ABHD6: variants seen among roughly 807,000 people sequenced by gnomAD.
ABHD6 encodes the protein abhydrolase domain containing 6, acylglycerol lipase, also known as monoacylglycerol lipase ABHD6.
A neutral mutation model predicts 38.8 loss-of-function variants in ABHD6; 33 were observed. The ratio of observed to expected loss-of-function variants is 0.85; its 90% CI spans 0.64 to 1.14. ABHD6 has a LOEUF of 1.14. ABHD6 is among the 50% of genes most tolerant of loss of function. The pLI, the probability that ABHD6 is intolerant of heterozygous loss-of-function variation, is 0.00. For missense variants in ABHD6, 380 were observed against 422.6 expected, an observed-to-expected ratio of 0.90 and a Z score of 0.88; for synonymous variants, 147 against 161.6, an observed-to-expected ratio of 0.91 and a Z score of 0.69.
Position 58,251,356 on chromosome 3 carries a change from T to C in ABHD6, c.-26+1414T>C, listed in dbSNP as rs2097429807. 6.6e-6 allele frequency among the ~76,000 whole-genome samples: 1 copy of C among 151,774 alleles called. No individual in the cohort carries two copies. The highest frequency in any genetic ancestry group is 2.4e-5 in the African/African-American group (1 of 41,296). On this transcript the variant is annotated intron_variant, in intron 2 of 9. Coordinates refer to ENST00000478253, the MANE Select transcript of ABHD6 (RefSeq NM_001320126.2). This position sits in a 1 kb window ranked among gnomAD's most constrained non-coding sequence, Gnocchi z 5.4. ...AGAAAAAAAGACAGAAATCAGTAAG[T>C]CAGGCGAAGCGAGGAGAGATGTGTC...
rs1303360347 is a variant in ABHD6, at chr3:58,266,617, T to C, written c.120-572T>C. ...CTTTTGCAAGACTTGGCTACTTCTTTAGTGTGAAGTATCTTACAAAGTGCA... is the reference window on the plus strand; with the variant it reads ...CTTTTGCAAGACTTGGCTACTTCTTCAGTGTGAAGTATCTTACAAAGTGCA... On this transcript the variant is annotated intron_variant, in intron 3 of 9. Transcript: ENST00000478253. This position sits in a 1 kb window ranked among gnomAD's most constrained non-coding sequence, Gnocchi z 4.0. Among the ~76,000 whole-genome samples the C allele has an allele frequency of 6.6e-6, 1 of 152,242 alleles. No individual in the cohort carries two copies. The highest frequency in any genetic ancestry group is 1.5e-5 in the Non-Finnish European group (1 of 68,038).
In ABHD6 at chr3:58,267,927, G is replaced by T. The variant is rs1221045279; in HGVS notation, c.276+582G>T. ...AGACTCCGTCTCTACAAAAAAATTAGCCAGGCATGGTGGCATGCACCTGTA... is the reference window on the plus strand; with the variant it reads ...AGACTCCGTCTCTACAAAAAAATTATCCAGGCATGGTGGCATGCACCTGTA... On this transcript the variant is annotated intron_variant, in intron 4 of 9. Transcript: ENST00000478253. This position sits in a 1 kb window ranked among gnomAD's most constrained non-coding sequence, Gnocchi z 4.3. 6.6e-6 allele frequency among the ~76,000 whole-genome samples: 1 copy of T among 152,046 alleles called. No individual in the cohort carries two copies. Among genetic ancestry groups the T allele is most frequent in the East Asian group, 1.9e-4 (1 of 5,176 alleles).
rs1411379313 is a variant in ABHD6 at position 58,257,008 on chromosome 3, A to G, written c.119+303A>G. ...AACCTCCACCTCCTGGCTTCAATCAATTTTCCTGCTTCAGCCTCCAAGTAG... is the reference window on the plus strand; with the variant it reads ...AACCTCCACCTCCTGGCTTCAATCAGTTTTCCTGCTTCAGCCTCCAAGTAG... On this transcript the variant is annotated intron_variant, in intron 3 of 9. Coordinates refer to ENST00000478253, the MANE Select transcript of ABHD6 (RefSeq NM_001320126.2). This position sits in a 1 kb window ranked among gnomAD's most constrained non-coding sequence, Gnocchi z 4.8. Among the ~76,000 whole-genome samples the G allele has an allele frequency of 2.0e-5, 3 of 151,774 alleles. No homozygotes were observed. The highest frequency in any genetic ancestry group is 2.1e-4 in the South Asian group (1 of 4,806).
At chr3:58,246,848 A>G (rs962044616) in intron 1 of ABHD6, among the ~76,000 whole-genome samples, 1 of 152,202 alleles carries the variant, frequency 6.6e-6, no homozygotes, top group Non-Finnish European at 1.5e-5. Context: ...AGTTCCTGCC[A>G]TGCAGGCATA....
Position 58,256,459 on chromosome 3 carries a change from T to TA in ABHD6, c.-25-102dup. 1 of 677,312 alleles carries TA rather than the reference T, an allele frequency of 1.5e-6. No individual in the cohort carries two copies. Among genetic ancestry groups the TA allele is most frequent in the South Asian group, 2.0e-5 (1 of 49,862 alleles). The allele number at this position is 677,312 out of a possible 1,614,324, so 42.0% of individuals were successfully genotyped here. ...CCTGCTTTGGTTTCCTCCTGTTCTT[T>TA]ACCCTCACTCTGGGAACTTCACTTT... On this transcript the variant is annotated intron_variant, in intron 2 of 9. Transcript: ENST00000478253. This position sits in a 1 kb window ranked among gnomAD's most constrained non-coding sequence, Gnocchi z 4.3.
intron 1 of ABHD6, among the ~76,000 whole-genome samples, chr3:58,243,995 A>G (rs1343742708): frequency 6.6e-6 from 1 of 152,176 alleles, no homozygotes; most frequent in Non-Finnish European, 1.5e-5. Context: ...ATATTCATTA[A>G]TGGACTTGCC....
Position 58,285,067 on chromosome 3 carries a change from T to C in ABHD6, c.682-18T>C. ...TGAATCTTCTCTTGCTCTCTAACTT[T>C]GGGTTATTTATCCTTAGATCCTGCA... On this transcript the variant is annotated intron_variant, in intron 7 of 9. Coordinates refer to ENST00000478253, the MANE Select transcript of ABHD6 (RefSeq NM_001320126.2). This position sits in a 1 kb window ranked among gnomAD's most constrained non-coding sequence, Gnocchi z 4.9. The C allele has an allele frequency of 6.2e-7, 1 of 1,613,058 alleles. No individual in the cohort carries two copies. The highest frequency in any genetic ancestry group is 1.1e-5 in the South Asian group (1 of 91,052).
rs754882786 is a variant in ABHD6 at position 58,293,207 on chromosome 3, G to A, written c.838-382G>A. 5.3e-5 allele frequency among the ~76,000 whole-genome samples: 8 copies of A among 151,990 alleles called. No homozygotes were observed. The highest frequency in any genetic ancestry group is 4.1e-4 in the South Asian group (2 of 4,830). ...CCCACCCTGTGCCATTCCCACATCC[G>A]TGAATGCTCCTCCCCTGTCCCCTTT... On this transcript the variant is annotated intron_variant, in intron 9 of 9. Coordinates refer to ENST00000478253, the MANE Select transcript of ABHD6 (RefSeq NM_001320126.2). This position sits in a 1 kb window ranked among gnomAD's most constrained non-coding sequence, Gnocchi z 4.4.
intron 2 of ABHD6, among the ~76,000 whole-genome samples, chr3:58,254,429 C>T (rs2097431877): frequency 6.6e-6 from 1 of 152,246 alleles, no homozygotes; most frequent in Admixed American, 6.5e-5. Flanking sequence ...AATAGAGACT[C>T]TGTGTCCCAC....
In ABHD6 at chr3:58,238,722, G is replaced by A. The variant is rs2097420802; in HGVS notation, c.-91+806G>A. On this transcript the variant is annotated intron_variant, in intron 1 of 9. Coordinates refer to ENST00000478253, the MANE Select transcript of ABHD6 (RefSeq NM_001320126.2). The surrounding 1 kb of genome is among the most constrained non-coding windows in gnomAD (Gnocchi z 6.9). ...TAGATACTGTGCATGCAGAGAATAT[G>A]TATTTTGAGCCCTTTGTATGCCCCA... 6.6e-6 allele frequency: 1 copy of A among 152,336 alleles called. No individual in the cohort carries two copies. Among genetic ancestry groups the A allele is most frequent in the Non-Finnish European group, 1.5e-5 (1 of 68,148 alleles). The allele number at this position is 152,336 out of a possible 1,614,324, so 9.4% of individuals were successfully genotyped here. A position where few individuals can be genotyped will look rare whatever the true frequency, so the allele number is the denominator to read the frequency against.
chr3:58,277,473 C>T (rs2097449602), intron 7 of ABHD6, among the ~76,000 whole-genome samples: 1 of 152,174 alleles, frequency 6.6e-6, no homozygotes, highest in Non-Finnish European at 1.5e-5. Flanking sequence ...TATCCTGAGA[C>T]TTTGCTGAAG....
At chr3:58,270,842 A>G in intron 5 of ABHD6, 90 bp from the exon 6 acceptor site, 2 of 1,399,752 alleles carry the variant, frequency 1.4e-6, no homozygotes, top group Middle Eastern at 1.9e-4. Flanking sequence ...TCAGTTGTCC[A>G]TAGGAAGTCC....
intron 3 of ABHD6, among the ~76,000 whole-genome samples, chr3:58,258,859 G>T (rs930462824): frequency 6.6e-6 from 1 of 152,154 alleles, no homozygotes; most frequent in Admixed American, 6.5e-5. Context: ...GTGGGGAGTT[G>T]TGACCCCCTC....
Position 58,293,571 on chromosome 3 carries a change from C to T in ABHD6, c.838-18C>T. The T allele has an allele frequency of 6.2e-7, 1 of 1,613,114 alleles. No homozygotes were observed. The highest frequency in any genetic ancestry group is 8.5e-7 in the Non-Finnish European group (1 of 1,179,370). Reference sequence around the variant, plus strand: ...CTGAATCTTTGTGTATCATCCAGCTCCCTTTCTTGCCCAGCAGGTGCTGGA... The same window carrying T: ...CTGAATCTTTGTGTATCATCCAGCTTCCTTTCTTGCCCAGCAGGTGCTGGA... On this transcript the variant is annotated intron_variant, in intron 9 of 9. Coordinates refer to ENST00000478253, the MANE Select transcript of ABHD6 (RefSeq NM_001320126.2). This position sits in a 1 kb window ranked among gnomAD's most constrained non-coding sequence, Gnocchi z 4.4.
chr3:58,264,432 CACACACACACACAT>C lies in ABHD6; in HGVS notation c.120-2755_120-2742del, dbSNP rs1157255437. On this transcript the variant is annotated intron_variant, in intron 3 of 9. Transcript: ENST00000478253. ...ACACACACACACACACACACACACACACACACACACACATATGCCAGGTGCAGTGGCTCAGTGGC... is the reference window on the plus strand; with the variant it reads ...ACACACACACACACACACACACACACATGCCAGGTGCAGTGGCTCAGTGGC... Among the ~76,000 whole-genome samples, 18 of 123,786 alleles carry C rather than the reference CACACACACACACAT, an allele frequency of 1.5e-4. 1 individual carries two copies. Among genetic ancestry groups the C allele is most frequent in the Admixed American group, 6.3e-4 (8 of 12,634 alleles). 81.2% of individuals were successfully genotyped at this position (123,786 alleles called of 152,430 possible). A position where few individuals can be genotyped will look rare whatever the true frequency, so the allele number is the denominator to read the frequency against.
Position 58,266,685 on chromosome 3 carries a change from C to A in ABHD6, c.120-504C>A, listed in dbSNP as rs2097441233. On this transcript the variant is annotated intron_variant, in intron 3 of 9. Transcript: ENST00000478253. The surrounding 1 kb of genome is among the most constrained non-coding windows in gnomAD (Gnocchi z 4.0). ...TATCTCTCATCTTGGAGGGATTCAC[C>A]ATGCAGAGAGTTCAATTTGTTTAGA... Among the ~76,000 whole-genome samples, 1 of 152,102 alleles carries A rather than the reference C, an allele frequency of 6.6e-6. No individual in the cohort carries two copies. The highest frequency in any genetic ancestry group is 1.5e-5 in the Non-Finnish European group (1 of 68,022).
At chr3:58,264,618 G>A (rs1452953309) in intron 3 of ABHD6, among the ~76,000 whole-genome samples, 1 of 152,074 alleles carries the variant, frequency 6.6e-6, no homozygotes, top group Non-Finnish European at 1.5e-5. Context: ...TTGGGCTTAG[G>A]AGGACAGGGC....
chr3:58,290,667 C>T (rs1244425077), intron 9 of ABHD6, among the ~76,000 whole-genome samples: 4 of 147,634 alleles, frequency 2.7e-5, no homozygotes, highest in South Asian at 2.2e-4. Flanking sequence ...TCAGATGGGG[C>T]GGCTGGGCAG....
At chr3:58,272,887 C>A (rs2097446042) in intron 6 of ABHD6, among the ~76,000 whole-genome samples, 1 of 152,044 alleles carries the variant, frequency 6.6e-6, no homozygotes, top group Non-Finnish European at 1.5e-5. Flanking sequence ...TTATAGAGCG[C>A]CCCATATAAC....
Sources: gnomAD v4.1 joint callset for allele counts (sites outside exome capture counted in the v4.1 genomes callset) on GRCh38, gnomAD v4.1.1 for gene constraint, Gnocchi (gnomAD v3.1) non-coding constraint, MANE v1.5 for transcripts, NCBI Gene and HGNC (gene_info 2026-07-23, HGNC 2026-07-21) for gene names.